The following DACH2 variants were observed in gnomAD, a reference collection of about 807,000 sequenced individuals.
DACH2 encodes the protein dachshund homolog 2.
DACH2 carries 17 observed loss-of-function variants against 35.8 expected under a neutral mutation model. That is an observed-to-expected ratio of 0.48 (90% CI 0.33 to 0.71). DACH2 has a LOEUF of 0.71. DACH2 is among the 30% of genes least tolerant of loss of function. The pLI, the probability that DACH2 is intolerant of heterozygous loss-of-function variation, is 0.02. For synonymous variants in DACH2, 195 were observed against 177.3 expected, an observed-to-expected ratio of 1.10 and a Z score of -0.79; for missense variants, 469 against 472.7, an observed-to-expected ratio of 0.99 and a Z score of 0.07.
rs1556037574 is a variant in DACH2 at position 86,359,084 on chromosome X, C to CGTGTGTGTGT, written c.489-17719_489-17710dup. ...GAGAAATAGAACCATTATATTTTGTCGTGTGTGTGTGTGTGTGTGTGTGTG... is the reference window on the plus strand; with the variant it reads ...GAGAAATAGAACCATTATATTTTGTCGTGTGTGTGTGTGTGTGTGTGTGTGTGTGTGTGTG... On this transcript the variant is annotated intron_variant, in intron 1 of 11. Transcript: ENST00000373125. Among the ~76,000 whole-genome samples the CGTGTGTGTGT allele has an allele frequency of 8.1e-3, 794 of 98,478 alleles. 6 individuals are homozygous for CGTGTGTGTGT. Among genetic ancestry groups the CGTGTGTGTGT allele is most frequent in the African/African-American group, 0.027 (730 of 27,199 alleles). 85.5% of individuals were successfully genotyped at this position (98,478 alleles called of 115,157 possible).
At chrX:86,749,494 G>A (rs994113777) in intron 7 of DACH2, among the ~76,000 whole-genome samples, 8 of 111,434 alleles carry the variant, frequency 7.2e-5, no homozygotes, top group African/African-American at 2.3e-4. Flanking sequence ...ATGGGGGGAC[G>A]ACAGGTCAGT....
At chrX:86,428,649 A>G (rs2036932779) in intron 2 of DACH2, among the ~76,000 whole-genome samples, 1 of 111,792 alleles carries the variant, frequency 8.9e-6, no homozygotes, top group Admixed American at 9.5e-5. Flanking sequence ...CTCTTTAGTT[A>G]CTTAGAAATT....
intron 11 of DACH2, among the ~76,000 whole-genome samples, chrX:86,822,704 A>G (rs1324601269): frequency 9.0e-6 from 1 of 111,625 alleles, no homozygotes; most frequent in African/African-American, 3.3e-5. Context: ...TCTTTACATC[A>G]TAGTTAATTA....
In DACH2 at chrX:86,543,055, T is replaced by C. The variant is rs2038907914; in HGVS notation, c.640+28664T>C. Among the ~76,000 whole-genome samples the C allele has an allele frequency of 2.7e-5, 3 of 111,762 alleles. No homozygotes were observed. In the Admixed American group the frequency reaches 2.9e-4, roughly 11 times the overall value. ...AAGAAGGTTGACTAAATGAAGCCAG[T>C]AGAAACATCTGTCATGGAGAGACAG... is the stretch of plus-strand genomic sequence containing the variant. On this transcript the variant is annotated intron_variant, in intron 3 of 11. Coordinates refer to ENST00000373125, the MANE Select transcript of DACH2 (RefSeq NM_053281.3).
At chrX:86,310,408 G>A (rs2034774593) in intron 1 of DACH2, among the ~76,000 whole-genome samples, 1 of 111,740 alleles carries the variant, frequency 8.9e-6, no homozygotes, top group Admixed American at 9.5e-5. Flanking sequence ...GCCTCATGTG[G>A]AGTTCCCTAT....
At chrX:86,825,081 T>G (rs2042550059) in intron 11 of DACH2, among the ~76,000 whole-genome samples, 1 of 112,100 alleles carries the variant, frequency 8.9e-6, no homozygotes. Flanking sequence ...ATATTTCCAA[T>G]CTGCATCCTG....
At chrX:86,629,610 C>A (rs369562190) in intron 3 of DACH2, among the ~76,000 whole-genome samples, 1 of 110,457 alleles carries the variant, frequency 9.1e-6, no homozygotes, top group Admixed American at 9.7e-5. Flanking sequence ...GGGCTGGGTT[C>A]GGTGGCTCAT....
intron 2 of DACH2, among the ~76,000 whole-genome samples, chrX:86,427,875 T>C (rs1047612899): frequency 8.9e-6 from 1 of 111,975 alleles, no homozygotes. Context: ...TTAGCTCTAC[T>C]CTCAGAAAGG....
chrX:86,661,652 C>T lies in DACH2; in HGVS notation c.772+10485C>T, dbSNP rs192268117. ...AATGATGTTGCTATAAACATCTGTG[C>T]GCAAGATTTGTGTAGACATATGGTT... is the stretch of plus-strand genomic sequence containing the variant. On this transcript the variant is annotated intron_variant, in intron 4 of 11. Transcript: ENST00000373125. 2.2e-3 allele frequency among the ~76,000 whole-genome samples: 250 copies of T among 111,981 alleles called. 1 individual carries two copies. Among genetic ancestry groups the T allele is most frequent in the Non-Finnish European group, 3.2e-3 (172 of 53,139 alleles).
chrX:86,437,032 CTT>C (rs1177289403), intron 2 of DACH2, among the ~76,000 whole-genome samples: 1 of 111,125 alleles, frequency 9.0e-6, no homozygotes, highest in African/African-American at 3.3e-5. Context: ...AGTCTTCTCT[CTT>C]TTATTCTTAG....
At chrX:86,599,321 CTT>C (rs2039755361) in intron 3 of DACH2, among the ~76,000 whole-genome samples, 1 of 110,493 alleles carries the variant, frequency 9.1e-6, no homozygotes, top group South Asian at 3.8e-4. Flanking sequence ...CTCTTTTCTT[CTT>C]TCTTTCTCTT....
chrX:86,233,702 G>A (rs1234845741), intron 1 of DACH2, among the ~76,000 whole-genome samples: 1 of 112,125 alleles, frequency 8.9e-6, no homozygotes, highest in Non-Finnish European at 1.9e-5. Context: ...GGAAGAAAAA[G>A]AGGTTTAGTT....
At chrX:86,716,159 C>T (rs1185774413) in intron 6 of DACH2, among the ~76,000 whole-genome samples, 2 of 111,223 alleles carry the variant, frequency 1.8e-5, no homozygotes, top group Non-Finnish European at 3.8e-5. Context: ...GCACTTGTAT[C>T]CCTGAATCAA....
chrX:86,701,311 TC>T (rs2041139759), intron 5 of DACH2, among the ~76,000 whole-genome samples: 1 of 111,362 alleles, frequency 9.0e-6, no homozygotes, highest in Admixed American at 9.6e-5. Flanking sequence ...AAATTGAAGA[TC>T]CCTTCATGTT....
At chrX:86,275,051 C>T (rs2033893147) in intron 1 of DACH2, among the ~76,000 whole-genome samples, 1 of 111,744 alleles carries the variant, frequency 8.9e-6, no homozygotes, top group South Asian at 3.7e-4. Context: ...CACATTTCTA[C>T]TGGCATATTT....
intron 11 of DACH2, among the ~76,000 whole-genome samples, chrX:86,825,521 G>A (rs192515739): frequency 8.9e-6 from 1 of 112,160 alleles, no homozygotes; most frequent in Admixed American, 9.5e-5. Context: ...TAGAGAAATG[G>A]CATAGAAACA....
rs967427944 is a variant in DACH2, at chrX:86,318,773, C to T, written c.489-58051C>T. On this transcript the variant is annotated intron_variant, in intron 1 of 11. Transcript: ENST00000373125. ...AAAAGCTAGGGATCAGGAAAGACAA[C>T]CTTGAGACTAAAGTTTGATTTTGGG... 6.3e-5 allele frequency among the ~76,000 whole-genome samples: 7 copies of T among 111,302 alleles called. No individual in the cohort carries two copies. In the Admixed American group the frequency reaches 6.7e-4, roughly 11 times the overall value.
At chrX:86,298,637 C>T (rs1385982416) in intron 1 of DACH2, among the ~76,000 whole-genome samples, 2 of 111,718 alleles carry the variant, frequency 1.8e-5, no homozygotes, top group Non-Finnish European at 3.8e-5. Context: ...CATTTTCATC[C>T]ACAATTCTTT....
intron 11 of DACH2, among the ~76,000 whole-genome samples, chrX:86,823,995 C>T (rs1438813926): frequency 3.6e-5 from 4 of 111,676 alleles, no homozygotes; most frequent in African/African-American, 6.5e-5. Flanking sequence ...TACTGATAAG[C>T]GTATATGTTC....
Sources: gnomAD v4.1 joint callset for allele counts (sites outside exome capture counted in the v4.1 genomes callset) on GRCh38, gnomAD v4.1.1 for gene constraint, MANE v1.5 for transcripts, NCBI Gene and HGNC (gene_info 2026-07-23, HGNC 2026-07-21) for gene names.